The following SLC24A2 variants were observed in gnomAD, a reference collection of about 807,000 sequenced individuals.
The protein encoded by SLC24A2 is sodium/potassium/calcium exchanger 2.
In SLC24A2, 36 loss-of-function variants were observed where a neutral mutation model predicts 62.0. That is an observed-to-expected ratio of 0.58 (90% CI 0.44 to 0.77). The LOEUF (loss-of-function observed/expected upper bound fraction) is 0.77, where lower values mean the gene tolerates loss of function less well. Ranked by LOEUF, SLC24A2 falls within the 30% of genes least tolerant of loss-of-function variation. SLC24A2 has a pLI of 0.00. For missense variants in SLC24A2, 846 were observed against 817.9 expected, an observed-to-expected ratio of 1.03 and a Z score of -0.42; for synonymous variants, 358 against 294.0, an observed-to-expected ratio of 1.22 and a Z score of -2.23.
chr9:20,039,168 C>G, the SLC24A2 span, among the ~76,000 whole-genome samples: 1 of 152,136 alleles, frequency 6.6e-6, no homozygotes, highest in Admixed American at 6.5e-5. Context: ...GACGGGCTGG[C>G]CCTGAGTTTT....
At chr9:19,620,581 C>G (rs764378186) in intron 3 of SLC24A2, among the ~76,000 whole-genome samples, 1 of 152,202 alleles carries the variant, frequency 6.6e-6, no homozygotes, top group Non-Finnish European at 1.5e-5. Flanking sequence ...CTGACAAACT[C>G]TTTTTCTTCT....
chr9:20,086,511 A>T, the SLC24A2 span, among the ~76,000 whole-genome samples: 2 of 152,166 alleles, frequency 1.3e-5, no homozygotes, highest in African/African-American at 4.8e-5. Context: ...TCACTTCCTT[A>T]ACCACTGGCC....
intron 7 of SLC24A2, among the ~76,000 whole-genome samples, chr9:19,571,596 G>T (rs984337480): frequency 3.9e-5 from 6 of 152,144 alleles, no homozygotes; most frequent in African/African-American, 1.4e-4. Flanking sequence ...CATTAGAACT[G>T]CAGACTCTAG....
At chr9:20,108,171 T>G in the SLC24A2 span, among the ~76,000 whole-genome samples, 1 of 152,150 alleles carries the variant, frequency 6.6e-6, no homozygotes, top group Non-Finnish European at 1.5e-5. Flanking sequence ...CCAGTTAGAA[T>G]GGCAATCATT....
At chr9:19,862,396 C>G in the SLC24A2 span, among the ~76,000 whole-genome samples, 1 of 152,036 alleles carries the variant, frequency 6.6e-6, no homozygotes. Flanking sequence ...CAAACAAAAG[C>G]TGAGGGATTT....
intron 2 of SLC24A2, among the ~76,000 whole-genome samples, chr9:19,752,904 G>A (rs541407915): frequency 6.6e-6 from 1 of 152,272 alleles, no homozygotes; most frequent in South Asian, 2.1e-4. Context: ...AGCACCACCT[G>A]CAATACTAGG....
the SLC24A2 span, among the ~76,000 whole-genome samples, chr9:19,890,612 C>T: frequency 6.6e-6 from 1 of 152,102 alleles, no homozygotes; most frequent in African/African-American, 2.4e-5. Context: ...AGGCTCTTTC[C>T]TTGGTCCTCT....
At chr9:20,261,674 T>C in the SLC24A2 span, among the ~76,000 whole-genome samples, 1 of 151,908 alleles carries the variant, frequency 6.6e-6, no homozygotes, top group Non-Finnish European at 1.5e-5. Context: ...TAAAGTTTAC[T>C]ATCTTCTACT....
the SLC24A2 span, among the ~76,000 whole-genome samples, chr9:19,810,444 G>A: frequency 2.0e-5 from 3 of 152,232 alleles, no homozygotes; most frequent in South Asian, 4.1e-4. Context: ...CTGTGATTAA[G>A]CCAAACAGTT....
the SLC24A2 span, among the ~76,000 whole-genome samples, chr9:20,051,313 C>G: frequency 1.3e-5 from 2 of 152,064 alleles, no homozygotes; most frequent in African/African-American, 4.8e-5. Context: ...TTCAGACTAA[C>G]TTTTGGTAGA....
intron 2 of SLC24A2, among the ~76,000 whole-genome samples, chr9:19,677,941 T>C (rs1819607145): frequency 6.6e-6 from 1 of 151,708 alleles, no homozygotes; most frequent in Non-Finnish European, 1.5e-5. Context: ...CACAAAACAA[T>C]GACCAATGAC....
At chr9:20,107,580 A>G in the SLC24A2 span, among the ~76,000 whole-genome samples, 27,185 of 152,152 alleles carry the variant, frequency 0.18, 2,832 homozygotes, top group South Asian at 0.26. Flanking sequence ...ACCTGAGAAA[A>G]ACAAGCAATG....
At chr9:19,933,094 A>T in the SLC24A2 span, among the ~76,000 whole-genome samples, 1 of 152,178 alleles carries the variant, frequency 6.6e-6, no homozygotes, top group East Asian at 1.9e-4. Flanking sequence ...TGAGCTCTTT[A>T]GGTAGAAAAT....
At chr9:19,594,242 AT>A (rs761240591) in intron 5 of SLC24A2, among the ~76,000 whole-genome samples, 10 of 151,524 alleles carry the variant, frequency 6.6e-5, no homozygotes, top group East Asian at 1.9e-4. Context: ...GCCGTGTGTT[AT>A]TTTTTCCCCC....
the SLC24A2 span, among the ~76,000 whole-genome samples, chr9:20,022,313 A>G: frequency 7.9e-5 from 12 of 152,398 alleles, no homozygotes; most frequent in African/African-American, 2.9e-4. Context: ...TTATCATATA[A>G]TAGGTGTTTT....
At chr9:19,691,188 G>C (rs1201819226) in intron 2 of SLC24A2, among the ~76,000 whole-genome samples, 1 of 152,122 alleles carries the variant, frequency 6.6e-6, no homozygotes, top group Non-Finnish European at 1.5e-5. Flanking sequence ...GGATGCACCT[G>C]CATGTAAGGG....
chr9:20,166,945 A>C, the SLC24A2 span, among the ~76,000 whole-genome samples: 1 of 151,998 alleles, frequency 6.6e-6, no homozygotes, highest in Non-Finnish European at 1.5e-5. Flanking sequence ...GGCTCAACCT[A>C]ACCTTTCACC....
At chr9:19,836,303 T>A in the SLC24A2 span, among the ~76,000 whole-genome samples, 11 of 152,014 alleles carry the variant, frequency 7.2e-5, no homozygotes, top group Admixed American at 2.0e-4. Flanking sequence ...GTTTTTTGAA[T>A]AGATCAACAA....
the SLC24A2 span, among the ~76,000 whole-genome samples, chr9:19,992,033 A>G: frequency 1.3e-5 from 2 of 152,190 alleles, no homozygotes; most frequent in Admixed American, 6.5e-5. Context: ...TCAACCATCT[A>G]TGTTGGGGCA....
Sources: gnomAD v4.1 joint callset for allele counts (sites outside exome capture counted in the v4.1 genomes callset) on GRCh38, gnomAD v4.1.1 for gene constraint, MANE v1.5 for transcripts, NCBI Gene and HGNC (gene_info 2026-07-23, HGNC 2026-07-21) for gene names.